UQCC1: variants seen among roughly 807,000 people sequenced by gnomAD.
UQCC1 encodes ubiquinol-cytochrome c reductase complex assembly factor 1.
A neutral mutation model predicts 48.0 loss-of-function variants in UQCC1; 38 were observed. The ratio of observed to expected loss-of-function variants is 0.79; its 90% CI spans 0.61 to 1.04. UQCC1 has a LOEUF of 1.04. UQCC1 is among the 50% of genes least tolerant of loss of function. The pLI, the probability that UQCC1 is intolerant of heterozygous loss-of-function variation, is 0.00. For missense variants in UQCC1, 368 were observed against 381.8 expected, an observed-to-expected ratio of 0.96 and a Z score of 0.30; for synonymous variants, 111 against 129.2, an observed-to-expected ratio of 0.86 and a Z score of 0.95.
intron 3 of UQCC1, 122 bp from the exon 4 acceptor site, chr20:35,382,147 C>T (rs573694340): frequency 1.7e-6 from 1 of 581,732 alleles, no homozygotes; most frequent in Non-Finnish European, 3.0e-6. Context: ...CCTCCCCTCA[C>T]CCAGGCTAAA....
chr20:35,411,176 T>G (rs767235265), intron 1 of UQCC1, among the ~76,000 whole-genome samples: 3 of 152,176 alleles, frequency 2.0e-5, no homozygotes, highest in Non-Finnish European at 4.4e-5. Context: ...TCCTAACGTT[T>G]TTTCTGCTGC....
At chr20:35,341,218 CAAAAAAAA>C (rs61675932) in intron 7 of UQCC1, among the ~76,000 whole-genome samples, 24 of 115,784 alleles carry the variant, frequency 2.1e-4, no homozygotes, top group Non-Finnish European at 2.8e-4. Context: ...GAGACTCCGT[CAAAAAAAA>C]AAAAAAAAAA....
intron 6 of UQCC1, among the ~76,000 whole-genome samples, chr20:35,347,587 T>C (rs1253701430): frequency 6.6e-6 from 1 of 152,116 alleles, no homozygotes; most frequent in Non-Finnish European, 1.5e-5. Context: ...ATTTTTTTGT[T>C]AGAAGACAAA....
intron 7 of UQCC1, among the ~76,000 whole-genome samples, chr20:35,338,325 T>C (rs1028809784): frequency 2.0e-5 from 3 of 152,188 alleles, no homozygotes; most frequent in African/African-American, 7.2e-5. Flanking sequence ...TCTTGGTCTT[T>C]GGCAGTCCTT....
intron 8 of UQCC1, among the ~76,000 whole-genome samples, chr20:35,307,741 G>T (rs1455347294): frequency 6.6e-6 from 1 of 152,226 alleles, no homozygotes; most frequent in Non-Finnish European, 1.5e-5. Context: ...CTTCAAAACA[G>T]ATGAAGTTAC....
At chr20:35,408,714 G>A (rs1433640389) in intron 1 of UQCC1, among the ~76,000 whole-genome samples, 1 of 151,988 alleles carries the variant, frequency 6.6e-6, no homozygotes, top group African/African-American at 2.4e-5. Flanking sequence ...AAGTAGCCAG[G>A]CGTGGTGGCA....
chr20:35,406,496 C>T (rs1341676520), intron 1 of UQCC1, among the ~76,000 whole-genome samples: 1 of 152,138 alleles, frequency 6.6e-6, no homozygotes, highest in East Asian at 1.9e-4. Flanking sequence ...AATTCTATAT[C>T]CAGCAAAACT....
chr20:35,394,902 T>C (rs1482563462), intron 1 of UQCC1, among the ~76,000 whole-genome samples: 2 of 152,190 alleles, frequency 1.3e-5, no homozygotes, highest in African/African-American at 2.4e-5. Flanking sequence ...TGTCCATACA[T>C]TGGGGGTTCC....
At position 35,398,153 on chromosome 20, in the gene UQCC1, G is replaced by T. The variant is rs570755823; in HGVS notation, c.25-3957C>A. On this transcript the variant is annotated intron_variant, in intron 1 of 9. Coordinates refer to ENST00000374385, the MANE Select transcript of UQCC1 (RefSeq NM_018244.5). The stretch of plus-strand genomic sequence containing the variant: ...TCCTTGCTCATTTATGGGATGAAAG[G>T]GTAGAGTATCTGCAAGGTACCTTCT... Among the ~76,000 whole-genome samples, 43 of 152,272 alleles carry T rather than the reference G, an allele frequency of 2.8e-4. No homozygotes were observed. In the South Asian group the frequency reaches 8.3e-3, roughly 29 times the overall value.
intron 7 of UQCC1, among the ~76,000 whole-genome samples, chr20:35,340,008 A>G (rs1456979713): frequency 6.6e-6 from 1 of 152,132 alleles, no homozygotes; most frequent in Non-Finnish European, 1.5e-5. Flanking sequence ...CTATGTAACT[A>G]CAAGGGTTCT....
chr20:35,353,358 T>C (rs2061511596), intron 6 of UQCC1, among the ~76,000 whole-genome samples: 1 of 148,460 alleles, frequency 6.7e-6, no homozygotes, highest in Non-Finnish European at 1.5e-5. Context: ...ATCATGCCAC[T>C]GTACTCCAGC....
chr20:35,398,040 G>A (rs1195454882), intron 1 of UQCC1, among the ~76,000 whole-genome samples: 1 of 152,174 alleles, frequency 6.6e-6, no homozygotes, highest in East Asian at 1.9e-4. Context: ...AAAGGAAACT[G>A]AGGCATGGAG....
At chr20:35,400,166 T>C (rs1317244145) in intron 1 of UQCC1, among the ~76,000 whole-genome samples, 2 of 151,974 alleles carry the variant, frequency 1.3e-5, no homozygotes, top group Non-Finnish European at 2.9e-5. Context: ...TCTCAGGTGA[T>C]CCACCGGCCT....
In UQCC1 at chr20:35,402,615, A is replaced by AAT. The variant is rs1158481005; in HGVS notation, c.25-8421_25-8420dup. Among the ~76,000 whole-genome samples the AAT allele has an allele frequency of 6.0e-3, 785 of 129,926 alleles. 4 individuals are homozygous for AAT. Among genetic ancestry groups the AAT allele is most frequent in the African/African-American group, 0.015 (503 of 34,258 alleles). 85.2% of individuals were successfully genotyped at this position (129,926 alleles called of 152,430 possible). A position where few individuals can be genotyped will look rare whatever the true frequency, so the allele number is the denominator to read the frequency against. On this transcript the variant is annotated intron_variant, in intron 1 of 9. Coordinates refer to ENST00000374385, the MANE Select transcript of UQCC1 (RefSeq NM_018244.5). The stretch of plus-strand genomic sequence containing the variant: ...AACAAACAAACAAACAAACAAACAA[A>AAT]ATATATATATATATATAATATATAT...
At chr20:35,321,526 A>C (rs1248905480) in intron 7 of UQCC1, among the ~76,000 whole-genome samples, 1 of 152,190 alleles carries the variant, frequency 6.6e-6, no homozygotes, top group African/African-American at 2.4e-5. Flanking sequence ...TTAATGTACA[A>C]GGGAAGCTTG....
chr20:35,374,205 C>G lies in UQCC1; in HGVS notation c.385G>C (p.Asp129His), dbSNP rs1350941819. 1.2e-6 allele frequency: 2 copies of G among 1,612,210 alleles called. No individual in the cohort carries two copies. Among genetic ancestry groups the G allele is most frequent in the Admixed American group, 1.7e-5 (1 of 59,734 alleles). The change falls in exon 5 of 10, where the codon GAC becomes CAC. Residue 129 changes from aspartate to histidine, a missense_variant. By Grantham distance (81) the Asp-to-His change is moderately conservative (BLOSUM62 -1). Transcript: ENST00000374385. ...RMYTSCVEKT[D>H]FEEFFLRCQM... is the part of the protein sequence containing the mutation. ...TTACTTAGAAAGAATTCCTCGAAGT[C>G]AGTTTTCTCCACACAGCTAGTATAC...
At chr20:35,306,451 CTCTT>C (rs2060929339) in intron 9 of UQCC1, 2 of 541,506 alleles carry the variant, frequency 3.7e-6, no homozygotes, top group Non-Finnish European at 3.3e-6. Context: ...TACTCGATGC[CTCTT>C]TCTCTCTCTC....
At chr20:35,408,832 A>G (rs1355020217) in intron 1 of UQCC1, among the ~76,000 whole-genome samples, 1 of 152,048 alleles carries the variant, frequency 6.6e-6, no homozygotes, top group East Asian at 1.9e-4. Context: ...TTCAGCACGC[A>G]TGACAGAGCG....
At chr20:35,371,699 G>GAAAAAAAAAA (rs57335287) in intron 5 of UQCC1, among the ~76,000 whole-genome samples, 8 of 92,224 alleles carry the variant, frequency 8.7e-5, no homozygotes, top group African/African-American at 1.3e-4. Context: ...GGCACTTAAA[G>GAAAAAAAAAA]AAAAAAAAAA....
Sources: allele counts gnomAD v4.1 joint callset (sites outside exome capture counted in the v4.1 genomes callset), GRCh38; gene constraint gnomAD v4.1.1; transcripts MANE v1.5; gene names NCBI Gene and HGNC (gene_info 2026-07-23, HGNC 2026-07-21).